The following DLG2 variants were observed in gnomAD, a reference collection of about 807,000 sequenced individuals.
The protein encoded by DLG2 is disks large homolog 2.
DLG2 carries 45 observed loss-of-function variants against 132.5 expected under a neutral mutation model. That is an observed-to-expected ratio of 0.34 (90% CI 0.27 to 0.44). The LOEUF is 0.44. Among genes scored for constraint, DLG2 ranks in the 20% least tolerant of loss-of-function variants. The probability of loss-of-function intolerance (pLI) is 1.00; values close to 1 mark genes in which losing one functional copy is unlikely to be tolerated. For missense variants in DLG2, 1,045 were observed against 1,196.9 expected (o/e 0.87, Z 1.87); for synonymous variants, 424 against 419.6 (o/e 1.01, Z -0.13).
chr11:84,218,013 C>T (rs2096858852), intron 8 of DLG2, among the ~76,000 whole-genome samples: 1 of 151,882 alleles, frequency 6.6e-6, no homozygotes, highest in Non-Finnish European at 1.5e-5. Flanking sequence ...AATAAAAATA[C>T]AAAAATTAGC....
At chr11:83,467,800 TATATATATATACAC>T in intron 25 of DLG2, among the ~76,000 whole-genome samples, 1 of 105,340 alleles carries the variant, frequency 9.5e-6, no homozygotes, top group African/African-American at 4.1e-5. Context: ...TATATATATA[TATATATATATACAC>T]ACACACATAT....
intron 6 of DLG2, among the ~76,000 whole-genome samples, chr11:85,085,055 G>A (rs1467167136): frequency 6.6e-6 from 1 of 152,016 alleles, no homozygotes; most frequent in African/African-American, 2.4e-5. Flanking sequence ...AGGAAATTTT[G>A]ATTCTGATTC....
At chr11:83,836,208 C>T (rs934847149) in intron 16 of DLG2, among the ~76,000 whole-genome samples, 3 of 152,256 alleles carry the variant, frequency 2.0e-5, no homozygotes, top group Admixed American at 1.3e-4. Context: ...GAGGATCACA[C>T]CCCTTGGGGA....
chr11:84,785,469 A>G (rs537248700), intron 6 of DLG2, among the ~76,000 whole-genome samples: 1 of 152,158 alleles, frequency 6.6e-6, no homozygotes, highest in African/African-American at 2.4e-5. Flanking sequence ...TGATGTTGTA[A>G]CCATGGACAA....
intron 21 of DLG2, among the ~76,000 whole-genome samples, chr11:83,521,799 A>G (rs2095486705): frequency 6.6e-6 from 1 of 152,010 alleles, no homozygotes; most frequent in Non-Finnish European, 1.5e-5. Context: ...CCTAGGATGT[A>G]GGCTCTATGA....
chr11:84,816,085 G>A (rs1037153451), intron 6 of DLG2, among the ~76,000 whole-genome samples: 6 of 152,012 alleles, frequency 3.9e-5, no homozygotes, highest in African/African-American at 1.4e-4. Context: ...CAAAAGCTCT[G>A]CATCATAGAG....
rs2078722816 is a variant in DLG2 at position 85,583,148 on chromosome 11, ATATATATATATATATATATATGTTTT to A, written c.40+15483_40+15508del. 1.5e-4 allele frequency among the ~76,000 whole-genome samples: 17 copies of A among 113,250 alleles called. 1 individual carries two copies. The highest frequency in any genetic ancestry group is 1.5e-3 in the Admixed American group (16 of 11,024). The allele number at this position is 113,250 out of a possible 152,430, so 74.3% of individuals were successfully genotyped here. Reference sequence around the variant, plus strand: ...TGTGTGTGTATATATATATATATATATATATATATATATATATATATGTTTTGTTTGTTTTTAAACAGGGTCTCACT... The same window carrying A: ...TGTGTGTGTATATATATATATATATAGTTTGTTTTTAAACAGGGTCTCACT... On this transcript the variant is annotated intron_variant, in intron 3 of 27. Coordinates refer to ENST00000376104, the MANE Select transcript of DLG2 (RefSeq NM_001142699.3).
chr11:85,155,858 CAAA>C (rs199571938), intron 4 of DLG2, among the ~76,000 whole-genome samples: 7 of 105,374 alleles, frequency 6.6e-5, no homozygotes, highest in Admixed American at 1.0e-4. Flanking sequence ...GACTCTGTAT[CAAA>C]AAAAAAAAAA....
intron 6 of DLG2, among the ~76,000 whole-genome samples, chr11:84,984,106 C>A (rs937322907): frequency 6.6e-6 from 1 of 152,146 alleles, no homozygotes; most frequent in South Asian, 2.1e-4. Flanking sequence ...TTAAGTAAAA[C>A]TTCCCTGGCC....
intron 26 of DLG2, among the ~76,000 whole-genome samples, chr11:83,465,657 A>T (rs2090889510): frequency 6.6e-6 from 1 of 152,166 alleles, no homozygotes; most frequent in Non-Finnish European, 1.5e-5. Context: ...TTACAATAAT[A>T]ATAGGTATTA....
At chr11:84,213,751 G>A (rs971951689) in intron 8 of DLG2, among the ~76,000 whole-genome samples, 12 of 150,714 alleles carry the variant, frequency 8.0e-5, no homozygotes, top group African/African-American at 2.2e-4. Context: ...CCCGAGAGGC[G>A]GAGCTTGCAG....
intron 6 of DLG2, among the ~76,000 whole-genome samples, chr11:84,552,713 G>T (rs1289695258): frequency 1.3e-5 from 2 of 152,066 alleles, no homozygotes; most frequent in Admixed American, 6.6e-5. Flanking sequence ...GTATTCAGTG[G>T]GTCCTAATAA....
intron 6 of DLG2, among the ~76,000 whole-genome samples, chr11:84,645,600 T>C (rs1230425462): frequency 6.6e-6 from 1 of 152,176 alleles, no homozygotes; most frequent in Non-Finnish European, 1.5e-5. Flanking sequence ...CCTGAGTAGC[T>C]GGGACTACAG....
At chr11:83,510,841 T>TTG (rs2094975374) in intron 21 of DLG2, among the ~76,000 whole-genome samples, 1 of 149,468 alleles carries the variant, frequency 6.7e-6, no homozygotes, top group Non-Finnish European at 1.5e-5. Context: ...TTTTTTTTTT[T>TTG]TTTTTTTTTT....
At chr11:83,831,149 G>T (rs1046466049) in intron 17 of DLG2, among the ~76,000 whole-genome samples, 1 of 152,174 alleles carries the variant, frequency 6.6e-6, no homozygotes, top group Non-Finnish European at 1.5e-5. Context: ...ATAAGATAGA[G>T]AATTTGCTTT....
intron 7 of DLG2, among the ~76,000 whole-genome samples, chr11:84,477,572 G>T (rs943126580): frequency 1.3e-5 from 2 of 152,106 alleles, no homozygotes; most frequent in Non-Finnish European, 2.9e-5. Context: ...GAATGAGAAA[G>T]CCCTGCAAAT....
At chr11:84,321,074 A>G (rs2098401814) in intron 7 of DLG2, among the ~76,000 whole-genome samples, 1 of 152,206 alleles carries the variant, frequency 6.6e-6, no homozygotes, top group African/African-American at 2.4e-5. Context: ...CTATACTTCT[A>G]CCAGAAATTT....
intron 6 of DLG2, among the ~76,000 whole-genome samples, chr11:84,563,980 T>C (rs61898962): frequency 0.11 from 16,855 of 152,128 alleles, 1,003 homozygotes; most frequent in African/African-American, 0.16. Context: ...TGGAAATCAT[T>C]TACTCAAAAA....
chr11:83,515,346 T>C (rs1403716847), intron 21 of DLG2, among the ~76,000 whole-genome samples: 1 of 152,172 alleles, frequency 6.6e-6, no homozygotes, highest in Non-Finnish European at 1.5e-5. Context: ...TGATGGTAGT[T>C]TGTGTTTCTG....
Sources: gnomAD v4.1 joint callset for allele counts (sites outside exome capture counted in the v4.1 genomes callset) on GRCh38, gnomAD v4.1.1 for gene constraint, MANE v1.5 for transcripts, NCBI Gene and HGNC (gene_info 2026-07-23, HGNC 2026-07-21) for gene names.